The following DEFB136 variants were observed in gnomAD, a reference collection of about 807,000 sequenced individuals.
DEFB136 encodes the protein beta-defensin 136.
DEFB136 carries 6 observed loss-of-function variants against 2.4 expected under a neutral mutation model. That is an observed-to-expected ratio of 2.45 (90% CI 1.34 to 4.84). The LOEUF (loss-of-function observed/expected upper bound fraction) is 4.84. Among genes scored for constraint, DEFB136 ranks in the 30% most tolerant of loss-of-function variants. DEFB136 has a pLI of 0.00. For missense variants in DEFB136, 126 were observed against 98.4 expected (o/e 1.28, Z -1.19); for synonymous variants, 47 against 35.2 (o/e 1.33, Z -1.18).
intron 1 of DEFB136, 46 bp from the exon 2 acceptor site, chr8:11,974,164 G>C (rs1439754296): frequency 6.6e-7 from 1 of 1,505,468 alleles, no homozygotes; most frequent in Non-Finnish European, 8.9e-7. Context: ...ATCTTAATGA[G>C]GCTGGGAGAA....
In DEFB136 at chr8:11,974,596, T is replaced by C; in HGVS notation, c.4A>G (p.Asn2Asp). 1 of 1,614,054 alleles carries C rather than the reference T, an allele frequency of 6.2e-7. No individual in the cohort carries two copies. The highest frequency in any genetic ancestry group is 8.5e-7 in the Non-Finnish European group (1 of 1,179,990). M[N>D]LCLSALLFFL... ...AAGAGTAATGCAGAAAGACAGAGGT[T>C]CATGGCCGAAGAGGGCACAGAGTTG... Residue 2 changes from asparagine to aspartate, a missense_variant, in exon 1 of 2, where the codon AAC becomes GAC. Coordinates refer to ENST00000382209, the MANE Select transcript of DEFB136 (RefSeq NM_001033018.2).
chr8:11,974,448 G>C, intron 1 of DEFB136, 97 bp downstream of exon 1: 1 of 1,408,488 alleles, frequency 7.1e-7, no homozygotes, highest in Non-Finnish European at 1.0e-6. Context: ...TTTGATATTG[G>C]TGTCCTGTTG....
In DEFB136 at chr8:11,973,968, G is replaced by C. The variant is rs199745025; in HGVS notation, c.206C>G (p.Pro69Arg). The C allele has an allele frequency of 3.2e-5, 51 of 1,604,050 alleles. No individual in the cohort carries two copies. The highest frequency in any genetic ancestry group is 4.2e-5 in the Non-Finnish European group (49 of 1,175,546). Reference sequence around the variant, plus strand: ...AACCCATGGATCTTTGGCTTGCGGGGGTTGAAAACGTGTCATATTTTTACA... The same window carrying C: ...AACCCATGGATCTTTGGCTTGCGGGCGTTGAAAACGTGTCATATTTTTACA... The part of the protein sequence containing the change: ...SCCKNMTRFQ[P>R]PQAKDPWVH Residue 69 changes from proline (P) to arginine (R), a missense_variant, in exon 2 of 2, where the codon CCC becomes CGC. By Grantham distance (103) the Pro-to-Arg change is moderately radical. Transcript: ENST00000382209.
At chr8:11,974,439 T>G in intron 1 of DEFB136, 106 bp downstream of exon 1, 1 of 1,340,544 alleles carries the variant, frequency 7.5e-7, no homozygotes, top group Non-Finnish European at 1.1e-6. Context: ...GGTGGCCCAT[T>G]TGATATTGGT....
In DEFB136 at chr8:11,974,575, G is replaced by C. The variant is rs1585079301; in HGVS notation, c.25C>G (p.Leu9Val). 3 of 1,614,108 alleles carry C rather than the reference G, an allele frequency of 1.9e-6. No individual in the cohort carries two copies. The highest frequency in any genetic ancestry group is 2.5e-6 in the Non-Finnish European group (3 of 1,179,994). Residue 9 changes from leucine (L) to valine (V), a missense_variant, in exon 1 of 2, where the codon CTC (leucine) becomes GTC (valine). Transcript: ENST00000382209. ...GGCAGTAAGATCACCAGGAAAAAGAGTAATGCAGAAAGACAGAGGTTCATG... is the reference window on the plus strand; with the variant it reads ...GGCAGTAAGATCACCAGGAAAAAGACTAATGCAGAAAGACAGAGGTTCATG... The part of the protein sequence containing the change: MNLCLSAL[L>V]FFLVILLPSG...
At position 11,974,094 on chromosome 8, in the gene DEFB136, C is replaced by G. The variant is rs1799546082; in HGVS notation, c.80G>C (p.Gly27Ala). The G allele has an allele frequency of 2.5e-6, 4 of 1,584,480 alleles. No individual in the cohort carries two copies. In the South Asian group the frequency reaches 4.7e-5, roughly 19 times the overall value. The change falls in exon 2 of 2, where the codon GGA (glycine) becomes GCA (alanine). Residue 27 changes from glycine to alanine, a missense_variant. Physicochemically the swap from Gly to Ala is moderately conservative, Grantham distance 60. Transcript: ENST00000382209. ...GCTAGTGCAGGTGCGAACTTTGACT[C>G]CATCATTCCCAAACATACCTTTTCC... ...PSGKGMFGND[G>A]VKVRTCTSQK... is the part of the protein sequence containing the mutation.
chr8:11,974,371 G>C (rs1799552465), intron 1 of DEFB136, among the ~76,000 whole-genome samples, 174 bp downstream of exon 1: 1 of 152,202 alleles, frequency 6.6e-6, no homozygotes. Context: ...AGATCTTCCA[G>C]CTGCAGCAAC....
At position 11,974,039 on chromosome 8, in the gene DEFB136, C is replaced by G. The variant is rs373367694; in HGVS notation, c.135G>C (p.Pro45=). Reference sequence around the variant, plus strand: ...AGAACGCAATCCACCTGTATCCTGGCGGACACCCGAAGAAACATACGGCTT... The same window carrying G: ...AGAACGCAATCCACCTGTATCCTGGGGGACACCCGAAGAAACATACGGCTT... ...SQKAVCFFGC[P]PGYRWIAFCH... is the part of the protein sequence containing the mutation. The change falls in exon 2 of 2, where the codon CCG becomes CCC. Residue 45 remains proline, a synonymous_variant. Coordinates refer to ENST00000382209, the MANE Select transcript of DEFB136 (RefSeq NM_001033018.2). The G allele has an allele frequency of 5.6e-6, 9 of 1,611,138 alleles. No homozygotes were observed. In the African/African-American group the frequency reaches 1.2e-4, roughly 22 times the overall value.
At position 11,974,049 on chromosome 8, in the gene DEFB136, A is replaced by G. The variant is rs781089719; in HGVS notation, c.125T>C (p.Phe42Ser). ...TCTSQKAVCF[F>S]GCPPGYRWIA... ...CCACCTGTATCCTGGCGGACACCCG[A>G]AGAAACATACGGCTTTCTGGCTAGT... The change falls in exon 2 of 2, where the codon TTC (phenylalanine) becomes TCC (serine). Residue 42 changes from phenylalanine (F) to serine (S), a missense_variant. Transcript: ENST00000382209. 2.5e-6 allele frequency: 4 copies of G among 1,610,626 alleles called. No homozygotes were observed. In the African/African-American group the frequency reaches 5.4e-5, roughly 22 times the overall value.
intron 1 of DEFB136, 146 bp downstream of exon 1, chr8:11,974,399 G>C: frequency 9.9e-7 from 1 of 1,009,436 alleles, no homozygotes; most frequent in Non-Finnish European, 1.5e-6. Flanking sequence ...CAGGGCAGGA[G>C]CTGGGGTCCG....
At chr8:11,974,318 C>G (rs1193941209) in intron 1 of DEFB136, among the ~76,000 whole-genome samples, 200 bp from the exon 2 acceptor site, 1 of 152,146 alleles carries the variant, frequency 6.6e-6, no homozygotes, top group East Asian at 1.9e-4. Flanking sequence ...GCTGCACGAT[C>G]TGTGTGCACA....
chr8:11,974,349 C>A (rs567987602), intron 1 of DEFB136, among the ~76,000 whole-genome samples, 196 bp downstream of exon 1: 1 of 152,292 alleles, frequency 6.6e-6, no homozygotes, highest in South Asian at 2.1e-4. Context: ...CCCCCGTCCC[C>A]GGTGCACTGG....
chr8:11,974,477 G>T lies in DEFB136; in HGVS notation c.55+68C>A, dbSNP rs1799555567. ...CCTGTTGCTGGGCTTATAGTTAGAG[G>T]GTTTTTTAAGCATCTCAATCTTTGG... On this transcript the variant is annotated intron_variant, in intron 1 of 1. Coordinates refer to ENST00000382209, the MANE Select transcript of DEFB136 (RefSeq NM_001033018.2). The T allele has an allele frequency of 7.7e-6, 12 of 1,564,412 alleles. No homozygotes were observed. In the Admixed American group the frequency reaches 1.5e-4, roughly 20 times the overall value.
Position 11,974,043 on chromosome 8 carries a change from CA to C in DEFB136, c.130del (p.Cys44ValfsTer21). ...CGCAATCCACCTGTATCCTGGCGGACACCCGAAGAAACATACGGCTTTCTGG... is the reference window on the plus strand; with the variant it reads ...CGCAATCCACCTGTATCCTGGCGGACCCCGAAGAAACATACGGCTTTCTGG... ...TSQKAVCFFG[C>X]PPGYRWIAFC... On this transcript the variant is annotated frameshift_variant, in exon 2 of 2. Transcript: ENST00000382209. LOFTEE classifies it low-confidence loss of function (END_TRUNC). The C allele has an allele frequency of 1.9e-6, 3 of 1,611,442 alleles. No homozygotes were observed. Among genetic ancestry groups the C allele is most frequent in the Non-Finnish European group, 2.5e-6 (3 of 1,178,800 alleles).
In DEFB136 at chr8:11,974,060, G is replaced by T. The variant is rs370829326; in HGVS notation, c.114C>A (p.Ala38=). 1 of 1,607,956 alleles carries T rather than the reference G, an allele frequency of 6.2e-7. No homozygotes were observed. Residue 38 remains alanine, a synonymous_variant, in exon 2 of 2, where the codon GCC becomes GCA. Coordinates refer to ENST00000382209, the MANE Select transcript of DEFB136 (RefSeq NM_001033018.2). ...CTGGCGGACACCCGAAGAAACATAC[G>T]GCTTTCTGGCTAGTGCAGGTGCGAA... The part of the protein sequence containing the change: ...VKVRTCTSQK[A]VCFFGCPPGY...
intron 1 of DEFB136, 130 bp downstream of exon 1, chr8:11,974,415 C>T (rs1195730802): frequency 1.7e-6 from 2 of 1,159,322 alleles, no homozygotes; most frequent in Non-Finnish European, 2.5e-6. Flanking sequence ...GTCCGCTCAC[C>T]ATGCCCCTAA....
chr8:11,974,009 G>T lies in DEFB136; in HGVS notation c.165C>A (p.His55Gln). ...PPGYRWIAFC[H>Q]NILSCCKNMT... The stretch of plus-strand genomic sequence containing the variant: ...TATTTTTACAGCAAGACAGAATATT[G>T]TGGCAGAACGCAATCCACCTGTATC... The change falls in exon 2 of 2, where the codon CAC becomes CAA. Residue 55 changes from histidine (H) to glutamine (Q), a missense_variant. Physicochemically the swap from His to Gln is conservative, Grantham distance 24 (BLOSUM62 0). Coordinates refer to ENST00000382209, the MANE Select transcript of DEFB136 (RefSeq NM_001033018.2). 1 of 1,611,844 alleles carries T rather than the reference G, an allele frequency of 6.2e-7. No individual in the cohort carries two copies.
chr8:11,973,953 T>A lies in DEFB136; in HGVS notation c.221A>T (p.Asp74Val). Residue 74 changes from aspartate to valine, a missense_variant, in exon 2 of 2, where the codon GAT becomes GTT. Physicochemically the swap from Asp to Val is radical, Grantham distance 152. Coordinates refer to ENST00000382209, the MANE Select transcript of DEFB136 (RefSeq NM_001033018.2). ...MTRFQPPQAK[D>V]PWVH ...CATATCCTTTTAATGAACCCATGGA[T>A]CTTTGGCTTGCGGGGGTTGAAAACG... The A allele has an allele frequency of 6.3e-7, 1 of 1,595,038 alleles. No individual in the cohort carries two copies. The highest frequency in any genetic ancestry group is 8.5e-7 in the Non-Finnish European group (1 of 1,171,052).
At position 11,973,958 on chromosome 8, in the gene DEFB136, G is replaced by C. The variant is rs1799540798; in HGVS notation, c.216C>G (p.Ala72=). 6.3e-7 allele frequency: 1 copy of C among 1,598,174 alleles called. No homozygotes were observed. Residue 72 remains alanine (A), a synonymous_variant, in exon 2 of 2, where the codon GCC becomes GCG. Coordinates refer to ENST00000382209, the MANE Select transcript of DEFB136 (RefSeq NM_001033018.2). ...KNMTRFQPPQ[A]KDPWVH is the part of the protein sequence containing the mutation. ...CCTTTTAATGAACCCATGGATCTTT[G>C]GCTTGCGGGGGTTGAAAACGTGTCA... is the stretch of plus-strand genomic sequence containing the variant.
Sources: allele counts gnomAD v4.1 joint callset (sites outside exome capture counted in the v4.1 genomes callset), GRCh38; gene constraint gnomAD v4.1.1; transcripts MANE v1.5; gene names NCBI Gene and HGNC (gene_info 2026-07-23, HGNC 2026-07-21).